WDR81: variants seen among roughly 807,000 people sequenced by gnomAD.
The protein encoded by WDR81 is WD repeat-containing protein 81.
Under a neutral mutation model 140.8 loss-of-function variants are expected in WDR81, and 92 were observed. That is an observed-to-expected ratio of 0.65 (90% CI 0.55 to 0.78). The LOEUF (loss-of-function observed/expected upper bound fraction) is 0.78, where lower values mean the gene tolerates loss of function less well. WDR81 is among the 30% of genes least tolerant of loss of function. The pLI, the probability that WDR81 is intolerant of heterozygous loss-of-function variation, is 0.00. For synonymous variants in WDR81, 1,183 were observed against 1,156.4 expected, an observed-to-expected ratio of 1.02 and a Z score of -0.47; for missense variants, 2,502 against 2,636.4, an observed-to-expected ratio of 0.95 and a Z score of 1.12.
rs1382911855 is a variant in WDR81, at chr17:1,727,187, A to G, written c.2228A>G (p.Lys743Arg). The change falls in exon 1 of 10, where the codon AAA (lysine) becomes AGA (arginine). Residue 743 changes from lysine (K) to arginine (R), a missense_variant. Physicochemically the swap from Lys to Arg is conservative, Grantham distance 26 (BLOSUM62 2). This residue lies in a region of WDR81 where 1,737 missense variants were observed against 1,843.0 expected (regional missense o/e 0.94). Transcript: ENST00000409644. ...ELEKTGNFLA[K>R]GLGGLLEVPE... is the part of the protein sequence containing the mutation. ...GAGAAAACGGGCAACTTCTTGGCCAAAGGCCTAGGGGGCCTGTTGGAGGTG... is the reference window on the plus strand; with the variant it reads ...GAGAAAACGGGCAACTTCTTGGCCAGAGGCCTAGGGGGCCTGTTGGAGGTG... 4 of 1,548,552 alleles carry G rather than the reference A, an allele frequency of 2.6e-6. No individual in the cohort carries two copies. In the Admixed American group the frequency reaches 7.9e-5, roughly 30 times the overall value.
At position 1,734,131 on chromosome 17, in the gene WDR81, G is replaced by A. The variant is rs1234028337; in HGVS notation, c.5094G>A (p.Lys1698=). 8 of 1,599,824 alleles carry A rather than the reference G, an allele frequency of 5.0e-6. No homozygotes were observed. In the Admixed American group the frequency reaches 1.0e-4, roughly 20 times the overall value. The part of the protein sequence containing the change: ...APRLVYTQHR[K]SVFFVGQLEA... ...GCCTCGTCTACACCCAGCACCGCAA[G>A]AGCGTCTTCTTCGTGGGCCAGCTTG... Residue 1698 remains lysine, a synonymous_variant, in exon 7 of 10, where the codon AAG becomes AAA. Coordinates refer to ENST00000409644, the MANE Select transcript of WDR81 (RefSeq NM_001163809.2).
rs747113213 is a variant in WDR81, at chr17:1,733,858, G to A, written c.4821G>A (p.Pro1607=). ...ACAACGCCCTGAAGCAGGAGCTGCC[G>A]CGGAGCGTGCACGGGCTGAGCGGAA... ...SDDNALKQEL[P]RSVHGLSGNW... Residue 1607 remains proline (P), a synonymous_variant, in exon 7 of 10, where the codon CCG becomes CCA. Coordinates refer to ENST00000409644, the MANE Select transcript of WDR81 (RefSeq NM_001163809.2). 1.8e-5 allele frequency: 29 copies of A among 1,612,640 alleles called. No homozygotes were observed. The highest frequency in any genetic ancestry group is 8.0e-5 in the African/African-American group (6 of 74,932).
chr17:1,723,443 T>TTTTA (rs371736848), upstream of WDR81, among the ~76,000 whole-genome samples: 2,281 of 141,872 alleles, frequency 0.016, 37 homozygotes, highest in South Asian at 0.04. Flanking sequence ...TTGGTTTTAT[T>TTTTA]TTTATTTATT....
Position 1,735,507 on chromosome 17 carries a change from A to G in WDR81, c.5180-65A>G, listed in dbSNP as rs1904785132. On this transcript the variant is annotated intron_variant, in intron 7 of 9. Coordinates refer to ENST00000409644, the MANE Select transcript of WDR81 (RefSeq NM_001163809.2). This position sits in a 1 kb window ranked among gnomAD's most constrained non-coding sequence, Gnocchi z 4.2. ...CAGGTGTGCGGTGAGTTGGGGGATTAGAAGCTCCCAGGGCTCTTCCGTCAG... is the reference window on the plus strand; with the variant it reads ...CAGGTGTGCGGTGAGTTGGGGGATTGGAAGCTCCCAGGGCTCTTCCGTCAG... The G allele has an allele frequency of 1.4e-6, 2 of 1,469,394 alleles. No individual in the cohort carries two copies. Among genetic ancestry groups the G allele is most frequent in the Non-Finnish European group, 1.8e-6 (2 of 1,101,572 alleles). 91.0% of individuals were successfully genotyped at this position (1,469,394 alleles called of 1,614,324 possible). A position where few individuals can be genotyped will look rare whatever the true frequency, so the allele number is the denominator to read the frequency against.
intron 1 of WDR81, 66 bp from the exon 2 acceptor site, chr17:1,730,309 CGTGGG>C: frequency 3.9e-6 from 4 of 1,024,088 alleles, no homozygotes; most frequent in South Asian, 1.5e-5. Context: ...AGTGGGGTGC[CGTGGG>C]GTGGGGTGGG....
Position 1,726,015 on chromosome 17 carries a change from G to A in WDR81, c.1056G>A (p.Trp352Ter). 6.5e-7 allele frequency: 1 copy of A among 1,544,638 alleles called. No individual in the cohort carries two copies. Among genetic ancestry groups the A allele is most frequent in the Non-Finnish European group, 8.7e-7 (1 of 1,142,864 alleles). ...AACTTCGGAGCCTCGTGCTAGATTG[G>A]GTCCACGGCCGCATCAGCAACTTCC... ...QEELRSLVLD[W>*]VHGRISNFHY... Residue 352 changes from tryptophan to a stop codon, truncating the protein, a stop_gained, in exon 1 of 10, where the codon TGG becomes TGA. Coordinates refer to ENST00000409644, the MANE Select transcript of WDR81 (RefSeq NM_001163809.2). LOFTEE classifies it high-confidence loss of function.
chr17:1,724,666 G>A (rs78197520), upstream of WDR81: 7 of 1,045,722 alleles, frequency 6.7e-6, no homozygotes, highest in Non-Finnish European at 5.7e-6. Flanking sequence ...AGCCACGTGC[G>A]CTTGTTTCCG....
At position 1,735,666 on chromosome 17, in the gene WDR81, C is replaced by G. The variant is rs1456282573; in HGVS notation, c.5274C>G (p.Ala1758=). The G allele has an allele frequency of 6.2e-7, 1 of 1,612,920 alleles. No individual in the cohort carries two copies. The highest frequency in any genetic ancestry group is 8.5e-7 in the Non-Finnish European group (1 of 1,179,958). ...CCCCCCACACCAGCATCACCATGGC[C>G]AGCTCTGACTCTACCCTGCGCTTTG... The part of the protein sequence containing the change: ...MPAPHTSITM[A]SSDSTLRFVD... Residue 1758 remains alanine (A), a synonymous_variant, in exon 8 of 10, where the codon GCC becomes GCG. Coordinates refer to ENST00000409644, the MANE Select transcript of WDR81 (RefSeq NM_001163809.2). The surrounding 1 kb of genome is among the most constrained non-coding windows in gnomAD (Gnocchi z 4.2).
Position 1,735,967 on chromosome 17 carries a change from G to C in WDR81, c.5326-72G>C. 1 of 1,525,016 alleles carries C rather than the reference G, an allele frequency of 6.6e-7. No individual in the cohort carries two copies. The highest frequency in any genetic ancestry group is 8.8e-7 in the Non-Finnish European group (1 of 1,140,206). 94.5% of individuals were successfully genotyped at this position (1,525,016 alleles called of 1,614,324 possible). ...CAGGCCTTCCTGCTGTGTGGGCTTG[G>C]GTGGTGGGCAGGGCCTTGGGGAGTG... On this transcript the variant is annotated intron_variant, in intron 8 of 9. Transcript: ENST00000409644. The surrounding 1 kb of genome is among the most constrained non-coding windows in gnomAD (Gnocchi z 4.2).
chr17:1,734,182 T>C lies in WDR81; in HGVS notation c.5145T>C (p.Cys1715=). 3 of 1,596,034 alleles carry C rather than the reference T, an allele frequency of 1.9e-6. No individual in the cohort carries two copies. The highest frequency in any genetic ancestry group is 2.5e-6 in the Non-Finnish European group (3 of 1,178,292). Residue 1715 remains cysteine, a synonymous_variant, in exon 7 of 10, where the codon TGT becomes TGC. Transcript: ENST00000409644. The part of the protein sequence containing the change: ...QLEAPQHVVS[C]DGAVHVWDPF... The stretch of plus-strand genomic sequence containing the variant: ...AGGCCCCGCAGCACGTGGTGAGCTG[T>C]GACGGGGCTGTGCACGTCTGGGACC...
Position 1,731,391 on chromosome 17 carries a change from G to A in WDR81, c.4157+133G>A, listed in dbSNP as rs1031990409. On this transcript the variant is annotated intron_variant, in intron 4 of 9. Coordinates refer to ENST00000409644, the MANE Select transcript of WDR81 (RefSeq NM_001163809.2). Reference sequence around the variant, plus strand: ...GAGTCCTGGTTTTGATCCCGGCTGTGTGACCCTGAGCAAACCACACCCTTT... The same window carrying A: ...GAGTCCTGGTTTTGATCCCGGCTGTATGACCCTGAGCAAACCACACCCTTT... 115 of 1,127,512 alleles carry A rather than the reference G, an allele frequency of 1.0e-4. No homozygotes were observed. In the East Asian group the frequency reaches 3.0e-3, roughly 29 times the overall value. The allele number at this position is 1,127,512 out of a possible 1,614,324, so 69.8% of individuals were successfully genotyped here.
chr17:1,733,981 G>C lies in WDR81; in HGVS notation c.4944G>C (p.Ser1648=). 1 of 1,612,712 alleles carries C rather than the reference G, an allele frequency of 6.2e-7. No homozygotes were observed. Among genetic ancestry groups the C allele is most frequent in the Non-Finnish European group, 8.5e-7 (1 of 1,179,970 alleles). Residue 1648 remains serine (S), a synonymous_variant, in exon 7 of 10, where the codon TCG becomes TCC. Coordinates refer to ENST00000409644, the MANE Select transcript of WDR81 (RefSeq NM_001163809.2). Reference sequence around the variant, plus strand: ...GCCTGCAGAGCTTCCCGGGCCACTCGGGGGCCGTCAAGTGCGTGGCACCCC... The same window carrying C: ...GCCTGCAGAGCTTCCCGGGCCACTCCGGGGCCGTCAAGTGCGTGGCACCCC... The part of the protein sequence containing the change: ...QIRLQSFPGH[S]GAVKCVAPLS...
At chr17:1,728,681 AC>A (rs966252009) in intron 1 of WDR81, 55 bp downstream of exon 1, 2 of 1,441,282 alleles carry the variant, frequency 1.4e-6, no homozygotes, top group African/African-American at 2.9e-5. Context: ...CTGGCCGAGC[AC>A]AGTGGTTCAC....
chr17:1,731,044 C>T (rs370800016), intron 3 of WDR81, 24 bp from the exon 4 acceptor site: 9 of 1,609,228 alleles, frequency 5.6e-6, no homozygotes, highest in African/African-American at 1.3e-5. Flanking sequence ...GGCTGCCCGG[C>T]CCTCATCTGC....
In WDR81 at chr17:1,718,579, G is replaced by A. The variant is rs369972292; in HGVS notation, c.-124+1946G>A. On this transcript the variant is annotated intron_variant, in intron 1 of 10. Transcript: ENST00000309182. ...GGACACGTTGGCCCCAGAAGCCAGC[G>A]TCTTTGGCTGGGAAGTGCTGGGAAG... Among the ~76,000 whole-genome samples, 26 of 152,342 alleles carry A rather than the reference G, an allele frequency of 1.7e-4. No homozygotes were observed. In the East Asian group the frequency reaches 1.7e-3, roughly 10 times the overall value.
chr17:1,730,007 A>C (rs1915574979), intron 1 of WDR81, among the ~76,000 whole-genome samples: 1 of 148,360 alleles, frequency 6.7e-6, no homozygotes, highest in Admixed American at 6.7e-5. Context: ...AAAAAAAAAG[A>C]AGAAGAAGAA....
chr17:1,725,176 CT>C lies in WDR81; in HGVS notation c.218del (p.Leu73ArgfsTer181), dbSNP rs1485459176. 3.1e-5 allele frequency: 47 copies of C among 1,536,018 alleles called. No individual in the cohort carries two copies. The highest frequency in any genetic ancestry group is 3.8e-5 in the Non-Finnish European group (44 of 1,145,948). ...LASLRDRRLP[L>X]GPCPRAEGLG... ...CAGCCTCCGCGATCGCCGGCTGCCC[CT>C]GGGACCCTGTCCCCGCGCAGAGGGC... On this transcript the variant is annotated frameshift_variant, in exon 1 of 10. Coordinates refer to ENST00000409644, the MANE Select transcript of WDR81 (RefSeq NM_001163809.2). LOFTEE classifies it high-confidence loss of function.
intron 7 of WDR81, among the ~76,000 whole-genome samples, chr17:1,734,701 C>G (rs986231773): frequency 3.3e-5 from 5 of 151,654 alleles, no homozygotes; most frequent in African/African-American, 1.2e-4. Flanking sequence ...ATCTCTCAAA[C>G]TCAGGTGGCA....
intron 1 of WDR81, among the ~76,000 whole-genome samples, chr17:1,728,971 A>G (rs1171122263): frequency 1.3e-5 from 2 of 151,922 alleles, no homozygotes; most frequent in Non-Finnish European, 2.9e-5. Context: ...AAAACAAAAC[A>G]AAAAAACAGC....
Sources: allele counts gnomAD v4.1 joint callset (sites outside exome capture counted in the v4.1 genomes callset), GRCh38; gene constraint gnomAD v4.1.1; regional missense constraint gnomAD v4.1.1; non-coding constraint Gnocchi (gnomAD v3.1); transcripts MANE v1.5; gene names NCBI Gene and HGNC (gene_info 2026-07-23, HGNC 2026-07-21).